The following CLASP1 variants were observed in gnomAD, a reference collection of about 807,000 sequenced individuals.
The protein encoded by CLASP1 is CLIP-associating protein 1.
Under a neutral mutation model 192.3 loss-of-function variants are expected in CLASP1, and 38 were observed. That is an observed-to-expected ratio of 0.20 (90% confidence interval 0.15 to 0.26). CLASP1 has a LOEUF of 0.26. CLASP1 is among the 10% of genes least tolerant of loss of function. The probability of loss-of-function intolerance (pLI) is 1.00; values close to 1 mark genes in which losing one functional copy is unlikely to be tolerated. For missense variants in CLASP1, 1,433 were observed against 1,932.5 expected (o/e 0.74, Z 4.85); for synonymous variants, 691 against 712.8 (o/e 0.97, Z 0.49).
Position 121,606,171 on chromosome 2 carries a change from G to T in CLASP1, c.-276C>A. 1 of 469,970 alleles carries T rather than the reference G, an allele frequency of 2.1e-6. No individual in the cohort carries two copies. Among genetic ancestry groups the T allele is most frequent in the Admixed American group, 3.8e-5 (1 of 26,556 alleles). 29.1% of individuals were successfully genotyped at this position (469,970 alleles called of 1,614,324 possible). On this transcript the variant is annotated 5_prime_UTR_variant, in exon 2 of 40. It adds an upstream start codon to the 5' untranslated region. Transcript: ENST00000263710. The stretch of plus-strand genomic sequence containing the variant: ...TGGGTCTGAAATACTTCATAATTCA[G>T]CAGTCCATTCTGAAAAGTAAGAGAA...
In CLASP1 at chr2:121,462,141, G is replaced by A. The variant is rs546427124; in HGVS notation, c.939+391C>T. On this transcript the variant is annotated intron_variant, in intron 10 of 39. Coordinates refer to ENST00000263710, the Ensembl canonical transcript of CLASP1. ...GTACTTAAAGTGAAGCATCAAAGAA[G>A]GTATAAACTAAGCTCTTATTAAACC... is the stretch of plus-strand genomic sequence containing the variant. Among the ~76,000 whole-genome samples, 14 of 151,286 alleles carry A rather than the reference G, an allele frequency of 9.3e-5. 1 individual carries two copies. Among genetic ancestry groups the A allele is most frequent in the African/African-American group, 3.2e-4 (13 of 41,204 alleles).
intron 9 of CLASP1, among the ~76,000 whole-genome samples, chr2:121,467,289 T>A (rs1030493505): frequency 1.3e-5 from 2 of 152,256 alleles, no homozygotes; most frequent in Non-Finnish European, 2.9e-5. Context: ...TGTATCTTTA[T>A]AACAGAATGA....
chr2:121,340,960 G>C lies in CLASP1; in HGVS notation c.4531-13C>G. On this transcript the variant is annotated splice_polypyrimidine_tract_variant and intron_variant, in intron 39 of 39. Coordinates refer to ENST00000263710, the Ensembl canonical transcript of CLASP1. ...TTAGTAGCTTCATCTGAAAAGAGAA[G>C]ATGAAACTGAATTAGCAGGAAGAAA... The C allele has an allele frequency of 6.4e-7, 1 of 1,554,688 alleles. No homozygotes were observed. Among genetic ancestry groups the C allele is most frequent in the Non-Finnish European group, 8.8e-7 (1 of 1,135,198 alleles).
chr2:121,425,296 C>T (rs760040767), exon 22 of CLASP1: 1 of 1,611,734 alleles, frequency 6.2e-7, no homozygotes, highest in Non-Finnish European at 8.5e-7. Context: ...GGGAACTTGA[C>T]CGGCTGCCAG....
intron 2 of CLASP1, among the ~76,000 whole-genome samples, chr2:121,541,511 T>C (rs1399586393): frequency 1.3e-5 from 2 of 152,174 alleles, no homozygotes; most frequent in African/African-American, 4.8e-5. Flanking sequence ...ATTTTCACTA[T>C]AACATAATAA....
At chr2:121,593,187 T>G (rs1374999064) in intron 2 of CLASP1, among the ~76,000 whole-genome samples, 1 of 152,204 alleles carries the variant, frequency 6.6e-6, no homozygotes, top group Admixed American at 6.5e-5. Flanking sequence ...ACATCTACAG[T>G]ATTCCTGCCA....
chr2:121,500,368 GAAAGAAAGAA>G (rs1178901183), intron 8 of CLASP1, among the ~76,000 whole-genome samples: 1,978 of 114,056 alleles, frequency 0.017, 58 homozygotes, highest in African/African-American at 0.066. Context: ...AAGAAAGAAA[GAAAGAAAGAA>G]AGAAAGAAAG....
chr2:121,623,706 T>C (rs2067793278), intron 1 of CLASP1, among the ~76,000 whole-genome samples: 1 of 152,176 alleles, frequency 6.6e-6, no homozygotes, highest in South Asian at 2.1e-4. Context: ...TCAATCTCTT[T>C]ACTTTATTGG....
At chr2:121,521,075 G>A (rs2094445942) in intron 6 of CLASP1, among the ~76,000 whole-genome samples, 1 of 152,188 alleles carries the variant, frequency 6.6e-6, no homozygotes, top group Non-Finnish European at 1.5e-5. Context: ...GATGATAGGA[G>A]AGAACTGCTG....
intron 19 of CLASP1, among the ~76,000 whole-genome samples, chr2:121,442,613 G>A (rs994750544): frequency 2.6e-5 from 4 of 151,798 alleles, no homozygotes; most frequent in African/African-American, 9.7e-5. Context: ...TTGAGTAGCT[G>A]GGACTAGAGG....
intron 22 of CLASP1, among the ~76,000 whole-genome samples, chr2:121,421,886 G>T (rs1330683361): frequency 6.6e-6 from 1 of 152,156 alleles, no homozygotes; most frequent in Non-Finnish European, 1.5e-5. Flanking sequence ...AATTAATTAG[G>T]TGATCAAAAC....
chr2:121,516,800 G>A (rs548582033), intron 6 of CLASP1, among the ~76,000 whole-genome samples: 23 of 152,180 alleles, frequency 1.5e-4, no homozygotes, highest in African/African-American at 4.8e-4. Context: ...AGGCCGAAGC[G>A]GGCAGATCAC....
At chr2:121,625,426 C>CTTTTTT (rs1559804182) in intron 1 of CLASP1, among the ~76,000 whole-genome samples, 2 of 128,278 alleles carry the variant, frequency 1.6e-5, no homozygotes, top group African/African-American at 6.6e-5. Context: ...TTCTTTCTTT[C>CTTTTTT]ATTTTTTTTT....
At chr2:121,379,392 A>C (rs895757413) in intron 33 of CLASP1, among the ~76,000 whole-genome samples, 9 of 152,202 alleles carry the variant, frequency 5.9e-5, no homozygotes, top group African/African-American at 2.2e-4. Flanking sequence ...CTGTCTGTCA[A>C]AGAGGCAACA....
intron 2 of CLASP1, among the ~76,000 whole-genome samples, chr2:121,559,888 C>T (rs1263732317): frequency 1.3e-5 from 2 of 152,052 alleles, no homozygotes; most frequent in African/African-American, 4.8e-5. Context: ...TTATCATCAT[C>T]ATCATTATCA....
intron 18 of CLASP1, among the ~76,000 whole-genome samples, chr2:121,447,870 C>T (rs1354744081): frequency 6.6e-6 from 1 of 152,182 alleles, no homozygotes; most frequent in African/African-American, 2.4e-5. Flanking sequence ...CGCCCTCTTA[C>T]CTAGAGCCCT....
At chr2:121,573,236 A>G (rs2060148220) in intron 2 of CLASP1, among the ~76,000 whole-genome samples, 1 of 152,232 alleles carries the variant, frequency 6.6e-6, no homozygotes, top group Non-Finnish European at 1.5e-5. Context: ...CTGGGATTAC[A>G]GGCGTGAGCC....
chr2:121,467,610 ACTGT>A lies in CLASP1; in HGVS notation c.865+2194_865+2197del, dbSNP rs550922270. On this transcript the variant is annotated intron_variant, in intron 9 of 39. Transcript: ENST00000263710. ...GCTGCATGTTCATCCTCTTTTCGTA[ACTGT>A]CTGCTCATTTTCTTTGCCCACTTTT... is the stretch of plus-strand genomic sequence containing the variant. Among the ~76,000 whole-genome samples, 97 of 151,990 alleles carry A rather than the reference ACTGT, an allele frequency of 6.4e-4. No homozygotes were observed. The South Asian group carries it at 0.01, about 16-fold the overall frequency.
chr2:121,394,246 G>T (rs930282965), intron 30 of CLASP1, among the ~76,000 whole-genome samples: 1 of 152,180 alleles, frequency 6.6e-6, no homozygotes, highest in African/African-American at 2.4e-5. Flanking sequence ...TAATCCAAAG[G>T]GAGATTATCC....
Sources: allele counts gnomAD v4.1 joint callset (sites outside exome capture counted in the v4.1 genomes callset), GRCh38; gene constraint gnomAD v4.1.1; transcripts MANE v1.5; gene names NCBI Gene and HGNC (gene_info 2026-07-23, HGNC 2026-07-21).